TINAG: variants seen among roughly 807,000 people sequenced by gnomAD.
The protein encoded by TINAG is tubulointerstitial nephritis antigen.
TINAG carries 83 observed loss-of-function variants against 72.7 expected under a neutral mutation model. That is an observed-to-expected ratio of 1.14 (90% confidence interval 0.96 to 1.37). The LOEUF (loss-of-function observed/expected upper bound fraction) is 1.37, where lower values mean the gene tolerates loss of function less well. TINAG is among the 40% of genes most tolerant of loss of function. The pLI is 0.00. For missense variants in TINAG, 685 were observed against 576.6 expected (o/e 1.19, Z -1.93); for synonymous variants, 234 against 189.9 (o/e 1.23, Z -1.91).
chr6:54,337,214 CA>C (rs1429006946), intron 4 of TINAG, among the ~76,000 whole-genome samples: 9 of 148,644 alleles, frequency 6.1e-5, no homozygotes, highest in African/African-American at 2.2e-4. Context: ...AGTAATTTTC[CA>C]AGTTTAGTTT....
chr6:54,324,901 T>C (rs1343777063), intron 3 of TINAG, among the ~76,000 whole-genome samples: 3 of 152,216 alleles, frequency 2.0e-5, no homozygotes, highest in African/African-American at 7.2e-5. Context: ...AACATAAGTA[T>C]TGTCCTTAGC....
chr6:54,376,171 T>C (rs376885981), intron 9 of TINAG, among the ~76,000 whole-genome samples: 27 of 152,266 alleles, frequency 1.8e-4, no homozygotes, highest in South Asian at 1.7e-3. Context: ...TGGCGGAGAG[T>C]TAATGTTTTC....
intron 9 of TINAG, among the ~76,000 whole-genome samples, chr6:54,356,909 C>A (rs1763059664): frequency 1.5e-5 from 1 of 65,330 alleles, no homozygotes; most frequent in Admixed American, 1.0e-4. Flanking sequence ...GTGTTGTTAT[C>A]CCTCAGATTA....
intron 8 of TINAG, 119 bp from the exon 9 acceptor site, chr6:54,354,394 C>A: frequency 2.3e-6 from 2 of 872,454 alleles, no homozygotes; most frequent in Non-Finnish European, 3.5e-6. Flanking sequence ...AATCACACAG[C>A]CCCTTCTTAG....
At chr6:54,386,371 G>A (rs1384056660) in intron 10 of TINAG, among the ~76,000 whole-genome samples, 3 of 152,110 alleles carry the variant, frequency 2.0e-5, no homozygotes, top group African/African-American at 7.2e-5. Flanking sequence ...ATCTCACAAG[G>A]ATGCCATCAA....
chr6:54,344,372 A>T (rs2150955516), intron 5 of TINAG, among the ~76,000 whole-genome samples: 1 of 152,174 alleles, frequency 6.6e-6, no homozygotes, highest in Non-Finnish European at 1.5e-5. Flanking sequence ...ACTGCTCCCC[A>T]CACCCCCTCT....
Position 54,354,528 on chromosome 6 carries a change from G to T in TINAG, c.1142G>T (p.Arg381Leu). ...NGPVQAIMQV[R>L]EDFFHYKTGI... Reference sequence around the variant, plus strand: ...TTTATTTTAGCCATAATGCAAGTCCGTGAAGATTTCTTCCATTATAAGACA... The same window carrying T: ...TTTATTTTAGCCATAATGCAAGTCCTTGAAGATTTCTTCCATTATAAGACA... Residue 381 changes from arginine to leucine, a missense_variant, in exon 9 of 11, where the codon CGT becomes CTT. Arg to Leu is a moderately radical substitution (Grantham distance 102, BLOSUM62 -2). Coordinates refer to ENST00000259782, the MANE Select transcript of TINAG (RefSeq NM_014464.4). 1 of 1,604,252 alleles carries T rather than the reference G, an allele frequency of 6.2e-7. No homozygotes were observed. Among genetic ancestry groups the T allele is most frequent in the Non-Finnish European group, 8.5e-7 (1 of 1,175,226 alleles).
chr6:54,337,643 A>C (rs1784898247), intron 4 of TINAG, among the ~76,000 whole-genome samples: 1 of 152,162 alleles, frequency 6.6e-6, no homozygotes. Flanking sequence ...ACCCTTATAA[A>C]CAGAAGCCTC....
At chr6:54,374,795 T>C (rs1259198430) in intron 9 of TINAG, among the ~76,000 whole-genome samples, 2 of 152,104 alleles carry the variant, frequency 1.3e-5, no homozygotes, top group African/African-American at 4.8e-5. Context: ...AGGGTTGGAG[T>C]TCCATATCAG....
In TINAG at chr6:54,349,803, A is replaced by G. The variant is rs763477649; in HGVS notation, c.987A>G (p.Arg329=). The change falls in exon 7 of 11, where the codon CGA becomes CGG. Residue 329 remains arginine, a synonymous_variant. Transcript: ENST00000259782. ...CCATGGCAAGCAGGTCTGATGGGCGAGGAAAACGGCATGCCACGAAGCCAT... is the reference window on the plus strand; with the variant it reads ...CCATGGCAAGCAGGTCTGATGGGCGGGGAAAACGGCATGCCACGAAGCCAT... ...GCAMASRSDG[R]GKRHATKPCP... 1 of 1,610,146 alleles carries G rather than the reference A, an allele frequency of 6.2e-7. No homozygotes were observed. The highest frequency in any genetic ancestry group is 1.7e-5 in the Admixed American group (1 of 59,646).
At chr6:54,365,039 C>T (rs1395792063) in intron 9 of TINAG, among the ~76,000 whole-genome samples, 4 of 151,480 alleles carry the variant, frequency 2.6e-5, no homozygotes, top group Non-Finnish European at 5.9e-5. Context: ...CAACTGAATG[C>T]TAAGCTGAAT....
At chr6:54,314,679 T>C (rs181751808) in intron 1 of TINAG, among the ~76,000 whole-genome samples, 27 of 152,310 alleles carry the variant, frequency 1.8e-4, no homozygotes, top group African/African-American at 6.0e-4. Flanking sequence ...TTAATATTTT[T>C]TTGAGTCTCA....
At chr6:54,379,774 T>C (rs1393726977) in intron 9 of TINAG, among the ~76,000 whole-genome samples, 1 of 151,982 alleles carries the variant, frequency 6.6e-6, no homozygotes, top group Non-Finnish European at 1.5e-5. Context: ...ATCTAATTTT[T>C]ATTTTTCTTT....
chr6:54,343,462 C>T, intron 5 of TINAG, 113 bp downstream of exon 5: 1 of 1,018,374 alleles, frequency 9.8e-7, no homozygotes, highest in Non-Finnish European at 1.3e-6. Context: ...AGCATATGAT[C>T]AAATAAAATC....
At chr6:54,365,452 G>A (rs1442855357) in intron 9 of TINAG, 1 of 151,508 alleles carries the variant, frequency 6.6e-6, no homozygotes, top group Non-Finnish European at 1.5e-5. Flanking sequence ...TGGTTTCAGG[G>A]CTTTGAAGCT....
chr6:54,334,934 C>T (rs146495563), intron 4 of TINAG, among the ~76,000 whole-genome samples: 53 of 152,040 alleles, frequency 3.5e-4, no homozygotes, highest in Non-Finnish European at 7.1e-4. Context: ...ACTGTATGAT[C>T]AACAGAAAAA....
At chr6:54,314,127 A>T (rs1440206831) in intron 1 of TINAG, among the ~76,000 whole-genome samples, 1 of 152,204 alleles carries the variant, frequency 6.6e-6, no homozygotes, top group Non-Finnish European at 1.5e-5. Flanking sequence ...GTATATTAAA[A>T]TGGTTAAATG....
intron 4 of TINAG, among the ~76,000 whole-genome samples, chr6:54,335,736 C>A (rs3777647): frequency 6.6e-6 from 1 of 152,074 alleles, no homozygotes; most frequent in Non-Finnish European, 1.5e-5. Context: ...ACAGTGACAA[C>A]GAATTTCTTT....
At chr6:54,311,181 CA>C (rs564842947) in intron 1 of TINAG, among the ~76,000 whole-genome samples, 88 of 152,264 alleles carry the variant, frequency 5.8e-4, no homozygotes, top group African/African-American at 2.1e-3. Flanking sequence ...TTGATTTTCT[CA>C]GACAGCAACA....
Sources: gnomAD v4.1 joint callset for allele counts (sites outside exome capture counted in the v4.1 genomes callset) on GRCh38, gnomAD v4.1.1 for gene constraint, MANE v1.5 for transcripts, NCBI Gene and HGNC (gene_info 2026-07-23, HGNC 2026-07-21) for gene names.